KNG1: variants seen among roughly 807,000 people sequenced by gnomAD.
KNG1 encodes the protein kininogen 1.
KNG1 carries 23 observed loss-of-function variants against 47.8 expected under a neutral mutation model. That is an observed-to-expected ratio of 0.48 (90% CI 0.35 to 0.68). KNG1 has a LOEUF of 0.68. Ranked by LOEUF, KNG1 falls within the 30% of genes least tolerant of loss-of-function variation. The pLI, the probability that KNG1 is intolerant of heterozygous loss-of-function variation, is 0.01. For missense variants in KNG1, 762 were observed against 790.2 expected (o/e 0.96, Z 0.43); for synonymous variants, 277 against 277.0 (o/e 1.00, Z 0.00).
chr3:186,732,707 T>C (rs981548935), intron 7 of KNG1, 33 bp downstream of exon 7: 2 of 1,565,518 alleles, frequency 1.3e-6, no homozygotes, highest in South Asian at 1.1e-5. Context: ...GCAGTAACAC[T>C]ATAGTCTATG....
Position 186,720,150 on chromosome 3 carries a change from G to C in KNG1, c.241G>C (p.Gly81Arg). The C allele has an allele frequency of 6.2e-7, 1 of 1,613,984 alleles. No individual in the cohort carries two copies. Among genetic ancestry groups the C allele is most frequent in the Non-Finnish European group, 8.5e-7 (1 of 1,179,930 alleles). Residue 81 changes from glycine (G) to arginine (R), a missense_variant, in exon 2 of 10, where the codon GGG (glycine) becomes CGG (arginine). Physicochemically the swap from Gly to Arg is moderately radical, Grantham distance 125 (BLOSUM62 -2). Transcript: ENST00000644859. ...TTCCTTCAAGTACGAAATCAAGGAG[G>C]GGGATTGTCCTGTTCAAAGTGGCAA... ...FYSFKYEIKE[G>R]DCPVQSGKTW...
chr3:186,742,978 G>A lies in KNG1; in HGVS notation c.*647G>A, dbSNP rs1053241456. ...AGGTTGGCCAAAGGGAGGAAAGGGG[G>A]GACATAAATTAATTGACTTTCTATT... On this transcript the variant is annotated 3_prime_UTR_variant, in exon 10 of 10. Coordinates refer to ENST00000644859, the MANE Select transcript of KNG1 (RefSeq NM_001102416.3). 5.6e-6 allele frequency: 5 copies of A among 885,766 alleles called. No individual in the cohort carries two copies. Among genetic ancestry groups the A allele is most frequent in the African/African-American group, 1.8e-5 (1 of 55,004 alleles). 54.9% of individuals were successfully genotyped at this position (885,766 alleles called of 1,614,324 possible). A position where few individuals can be genotyped will look rare whatever the true frequency, so the allele number is the denominator to read the frequency against.
In KNG1 at chr3:186,742,573, G is replaced by A. The variant is rs1720845126; in HGVS notation, c.*242G>A. 7.4e-7 allele frequency: 1 copy of A among 1,348,852 alleles called. No individual in the cohort carries two copies. Among genetic ancestry groups the A allele is most frequent in the Non-Finnish European group, 9.5e-7 (1 of 1,050,286 alleles). The allele number at this position is 1,348,852 out of a possible 1,614,324, so 83.6% of individuals were successfully genotyped here. A position where few individuals can be genotyped will look rare whatever the true frequency, so the allele number is the denominator to read the frequency against. On this transcript the variant is annotated 3_prime_UTR_variant, in exon 10 of 10. Coordinates refer to ENST00000644859, the MANE Select transcript of KNG1 (RefSeq NM_001102416.3). ...TTCCCAAGTTTTCTAAACTAGCACA[G>A]TAAACAGACAAACTAATGTGCCGTA...
Position 186,723,375 on chromosome 3 carries a change from C to G in KNG1, c.391+854C>G, listed in dbSNP as rs1441734773. 2.0e-5 allele frequency among the ~76,000 whole-genome samples: 3 copies of G among 152,214 alleles called. No homozygotes were observed. The East Asian group carries it at 5.8e-4, about 29-fold the overall frequency. Reference sequence around the variant, plus strand: ...ATTAGAACGTATTTCTTCTATCTAACTATAATTCAGTACCTATTCACCAAC... The same window carrying G: ...ATTAGAACGTATTTCTTCTATCTAAGTATAATTCAGTACCTATTCACCAAC... On this transcript the variant is annotated intron_variant, in intron 3 of 9. Coordinates refer to ENST00000644859, the MANE Select transcript of KNG1 (RefSeq NM_001102416.3).
At position 186,741,719 on chromosome 3, in the gene KNG1, T is replaced by G. The variant is rs760335297; in HGVS notation, c.1323T>G (p.Leu441=). Residue 441 remains leucine (L), a synonymous_variant, in exon 10 of 10, where the codon CTT becomes CTG. Coordinates refer to ENST00000644859, the MANE Select transcript of KNG1 (RefSeq NM_001102416.3). ...ATGAAAAACAAAGAAAACATAATCT[T>G]GGCCATGGCCATAAACATGAACGTG... The part of the protein sequence containing the change: ...WGHEKQRKHN[L]GHGHKHERDQ... 14 of 1,614,060 alleles carry G rather than the reference T, an allele frequency of 8.7e-6. No individual in the cohort carries two copies. The South Asian group carries it at 1.5e-4, about 18-fold the overall frequency.
In KNG1 at chr3:186,725,171, A is replaced by C; in HGVS notation, c.475A>C (p.Ile159Leu). 1 of 1,614,190 alleles carries C rather than the reference A, an allele frequency of 6.2e-7. No homozygotes were observed. Among genetic ancestry groups the C allele is most frequent in the South Asian group, 1.1e-5 (1 of 91,090 alleles). The change falls in exon 4 of 10, where the codon ATT (isoleucine) becomes CTT (leucine). Residue 159 changes from isoleucine (I) to leucine (L), a missense_variant. Transcript: ENST00000644859. ...AACGCAGAGCCCAGACCTGGAGCCC[A>C]TTCTGAGACACGGCATTCAGTACTT... ...ISTQSPDLEP[I>L]LRHGIQYFNN...
intron 2 of KNG1, 136 bp downstream of exon 2, chr3:186,720,351 GTCAGATGCTTTATA>G (rs1720152841): frequency 7.1e-6 from 5 of 701,860 alleles, no homozygotes; most frequent in Non-Finnish European, 1.3e-5. Context: ...GTGTAGAAAA[GTCAGATGCTTTATA>G]TCTGTGTTCT....
intron 3 of KNG1, among the ~76,000 whole-genome samples, chr3:186,724,793 TC>T (rs1720302684): frequency 6.6e-6 from 1 of 152,154 alleles, no homozygotes; most frequent in Non-Finnish European, 1.5e-5. Flanking sequence ...TCTCCTGAGT[TC>T]AAGTGATTCT....
chr3:186,720,061 T>C (rs749528550), intron 1 of KNG1, 44 bp from the exon 2 acceptor site: 2 of 1,245,404 alleles, frequency 1.6e-6, no homozygotes, highest in South Asian at 1.2e-5. Context: ...TATTTGCTGT[T>C]GGGTCAGTTG....
intron 3 of KNG1, among the ~76,000 whole-genome samples, chr3:186,723,445 G>A (rs1409935357): frequency 6.6e-6 from 1 of 152,014 alleles, no homozygotes; most frequent in Admixed American, 6.6e-5. Flanking sequence ...TCAGCCTCTG[G>A]TATCTGTCAT....
intron 1 of KNG1, among the ~76,000 whole-genome samples, chr3:186,719,413 AT>A (rs1421122396): frequency 5.3e-5 from 8 of 152,230 alleles, no homozygotes; most frequent in Non-Finnish European, 1.2e-4. Flanking sequence ...TGTAAAAGTC[AT>A]ATACGTTCAT....
chr3:186,718,588 A>C (rs1020761358), intron 1 of KNG1: 1 of 151,442 alleles, frequency 6.6e-6, no homozygotes, highest in African/African-American at 2.4e-5. Flanking sequence ...AAATGAAACA[A>C]AAGTAGATGG....
chr3:186,728,420 A>C (rs929993205), intron 5 of KNG1: 1 of 152,200 alleles, frequency 6.6e-6, no homozygotes, highest in Non-Finnish European at 1.5e-5. Flanking sequence ...CAGAATGGTT[A>C]AGTAAATTAC....
chr3:186,720,001 C>T, intron 1 of KNG1, 104 bp from the exon 2 acceptor site: 3 of 773,970 alleles, frequency 3.9e-6, no homozygotes, highest in South Asian at 1.4e-5. Context: ...GAATGCTTTG[C>T]TCTCAAGTCA....
At chr3:186,741,195 T>C (rs1414835752) in intron 9 of KNG1, among the ~76,000 whole-genome samples, 2 of 152,082 alleles carry the variant, frequency 1.3e-5, no homozygotes, top group East Asian at 3.9e-4. Context: ...GGTTTCAGCA[T>C]GTTGGCCAGG....
chr3:186,739,780 G>A (rs187873945), intron 9 of KNG1, among the ~76,000 whole-genome samples: 1 of 152,304 alleles, frequency 6.6e-6, no homozygotes, highest in Admixed American at 6.5e-5. Flanking sequence ...GGCTGGGCGC[G>A]GTGGCTCACG....
rs373280292 is a variant in KNG1 at position 186,722,420 on chromosome 3, C to A, written c.307-17C>A. 6.5e-5 allele frequency: 103 copies of A among 1,596,340 alleles called. No individual in the cohort carries two copies. The South Asian group carries it at 7.4e-4, about 11-fold the overall frequency. The stretch of plus-strand genomic sequence containing the variant: ...TCTGAAAGATTAAGATAAATGATCT[C>A]TTTCTTTTCTTTTTAGGCCACTGGA... On this transcript the variant is annotated splice_polypyrimidine_tract_variant and intron_variant, in intron 2 of 9. Transcript: ENST00000644859.
In KNG1 at chr3:186,731,561, C is replaced by G; in HGVS notation, c.689C>G (p.Thr230Arg). The change falls in exon 6 of 10, where the codon ACA (threonine) becomes AGA (arginine). Residue 230 changes from threonine (T) to arginine (R), a missense_variant. Physicochemically the swap from Thr to Arg is moderately conservative, Grantham distance 71. Coordinates refer to ENST00000644859, the MANE Select transcript of KNG1 (RefSeq NM_001102416.3). ...SLWNGDTGEC[T>R]DNAYIDIQLR... ...AAAAACCAGGATACCGGTGAATGTA[C>G]AGATAATGCATACATCGATATTCAG... The G allele has an allele frequency of 6.2e-7, 1 of 1,608,194 alleles. No homozygotes were observed. Among genetic ancestry groups the G allele is most frequent in the Non-Finnish European group, 8.5e-7 (1 of 1,174,648 alleles).
At chr3:186,731,793 G>A (rs1648698) in intron 6 of KNG1, among the ~76,000 whole-genome samples, 164 bp downstream of exon 6, 3 of 151,904 alleles carry the variant, frequency 2.0e-5, no homozygotes, top group African/African-American at 7.3e-5. Flanking sequence ...GTACCCCTTC[G>A]CTGCCCAGTT....
Sources: allele counts gnomAD v4.1 joint callset (sites outside exome capture counted in the v4.1 genomes callset), GRCh38; gene constraint gnomAD v4.1.1; transcripts MANE v1.5; gene names NCBI Gene and HGNC (gene_info 2026-07-23, HGNC 2026-07-21).